ZFPM1: variants seen among roughly 807,000 people sequenced by gnomAD.
The protein encoded by ZFPM1 is zinc finger protein ZFPM1.
A neutral mutation model predicts 46.3 loss-of-function variants in ZFPM1; 28 were observed. The ratio of observed to expected loss-of-function variants is 0.60; its 90% confidence interval spans 0.45 to 0.83. The LOEUF is 0.83. ZFPM1 is among the 40% of genes least tolerant of loss of function. The pLI, the probability that ZFPM1 is intolerant of heterozygous loss-of-function variation, is 0.00. For missense variants in ZFPM1, 1,878 were observed against 1,432.4 expected (o/e 1.31, Z -5.02); for synonymous variants, 957 against 675.9 (o/e 1.42, Z -6.45).
intron 2 of ZFPM1, 138 bp from the exon 3 acceptor site, chr16:88,488,893 C>T (rs34251187): frequency 2.3e-6 from 3 of 1,332,100 alleles, no homozygotes; most frequent in Non-Finnish European, 2.0e-6. Flanking sequence ...AGTGAGAGCG[C>T]ACCAGGAGAT....
intron 3 of ZFPM1, among the ~76,000 whole-genome samples, chr16:88,509,585 G>T (rs1910842843): frequency 1.3e-5 from 2 of 152,258 alleles, no homozygotes; most frequent in South Asian, 4.1e-4. Flanking sequence ...GAGCCAGCCT[G>T]CCAGGGCCAG....
Position 88,512,241 on chromosome 16 carries a change from T to C in ZFPM1, c.269-2146T>C, listed in dbSNP as rs565235859. On this transcript the variant is annotated intron_variant, in intron 3 of 9. Transcript: ENST00000319555. ...CCAGTTCTGCCCTCCCACTTCCCCA[T>C]GAGGGCAGGGGACAAGTGAGAGCCC... 6.6e-5 allele frequency among the ~76,000 whole-genome samples: 10 copies of C among 152,238 alleles called. No homozygotes were observed. The South Asian group carries it at 2.1e-3, about 32-fold the overall frequency.
intron 3 of ZFPM1, 93 bp from the exon 4 acceptor site, chr16:88,514,294 A>G: frequency 9.9e-6 from 15 of 1,515,628 alleles, no homozygotes; most frequent in Non-Finnish European, 1.3e-5. Context: ...CAGGACTGCC[A>G]CCCTCCACTG....
At position 88,528,202 on chromosome 16, in the gene ZFPM1, G is replaced by A. The variant is rs758017266; in HGVS notation, c.676G>A (p.Gly226Arg). The A allele has an allele frequency of 5.0e-6, 8 of 1,610,122 alleles. No homozygotes were observed. In the South Asian group the frequency reaches 5.5e-5, roughly 11 times the overall value. ...CCTCCAGCTCCTGCCCCAGCAGGCC[G>A]GGATGGCCTCCATCCTTGCCACCGC... ...HDLQLLPQQA[G>R]MASILATAVI... The change falls in exon 6 of 10, where the codon GGG becomes AGG. Residue 226 changes from glycine to arginine, a missense_variant. Transcript: ENST00000319555.
rs1908243982 is a variant in ZFPM1, at chr16:88,468,211, C to CGAGCCCACCGCCCCTCAAGCACCCGT, written c.40+14558_40+14559insTGAGCCCACCGCCCCTCAAGCACCCG. 1.4e-5 allele frequency among the ~76,000 whole-genome samples: 2 copies of CGAGCCCACCGCCCCTCAAGCACCCGT among 141,664 alleles called. 1 individual carries two copies. 92.9% of individuals were successfully genotyped at this position (141,664 alleles called of 152,430 possible). A position where few individuals can be genotyped will look rare whatever the true frequency, so the allele number is the denominator to read the frequency against. Reference sequence around the variant, plus strand: ...GAGCCCACCGCCCCTCAAGCACCCGCGAGCCCACCGCCCCTCAAGCACCCG... The same window carrying CGAGCCCACCGCCCCTCAAGCACCCGT: ...GAGCCCACCGCCCCTCAAGCACCCGCGAGCCCACCGCCCCTCAAGCACCCGTGAGCCCACCGCCCCTCAAGCACCCG... On this transcript the variant is annotated intron_variant, in intron 1 of 9. Transcript: ENST00000319555.
chr16:88,502,384 A>G (rs1444813159), intron 3 of ZFPM1, among the ~76,000 whole-genome samples: 1 of 151,586 alleles, frequency 6.6e-6, no homozygotes, highest in African/African-American at 2.4e-5. Flanking sequence ...CCGGGCACTC[A>G]GGACCCACCT....
rs1909988460 is a variant in ZFPM1, at chr16:88,497,365, T to C, written c.268+8212T>C. Among the ~76,000 whole-genome samples, 2 of 150,630 alleles carry C rather than the reference T, an allele frequency of 1.3e-5. No individual in the cohort carries two copies. The highest frequency in any genetic ancestry group is 6.6e-5 in the Admixed American group (1 of 15,182). Reference sequence around the variant, plus strand: ...GGCTCAGGGCCTGAGTTTCAAGTGGTCAGTGGTGGCTGGAACATCAGGGCC... The same window carrying C: ...GGCTCAGGGCCTGAGTTTCAAGTGGCCAGTGGTGGCTGGAACATCAGGGCC... On this transcript the variant is annotated intron_variant, in intron 3 of 9. Transcript: ENST00000319555. This position sits in a 1 kb window ranked among gnomAD's most constrained non-coding sequence, Gnocchi z 5.4.
chr16:88,482,350 C>A (rs960716090), intron 1 of ZFPM1, among the ~76,000 whole-genome samples: 7 of 152,120 alleles, frequency 4.6e-5, no homozygotes, highest in Admixed American at 2.0e-4. Flanking sequence ...CGAGGCAGGC[C>A]CAGGGCAGCA....
chr16:88,529,919 A>C (rs1195016497), intron 6 of ZFPM1, among the ~76,000 whole-genome samples: 3 of 152,010 alleles, frequency 2.0e-5, no homozygotes, highest in Admixed American at 1.3e-4. Context: ...ACTGGAGAGA[A>C]CGGGCCGAGC....
chr16:88,499,066 G>A (rs1488238338), intron 3 of ZFPM1, among the ~76,000 whole-genome samples: 2 of 152,170 alleles, frequency 1.3e-5, no homozygotes, highest in Admixed American at 6.5e-5. Context: ...CCCCGAGGCC[G>A]GCTCCCCTTC....
At chr16:88,485,370 G>C (rs1597242073) in intron 1 of ZFPM1, among the ~76,000 whole-genome samples, 1 of 152,176 alleles carries the variant, frequency 6.6e-6, no homozygotes, top group Non-Finnish European at 1.5e-5. Flanking sequence ...GGCAGGTAAG[G>C]GTGGGCGGAG....
rs561465555 is a variant in ZFPM1 at position 88,533,346 on chromosome 16, A to G, written c.1388A>G (p.Lys463Arg). The change falls in exon 10 of 10, where the codon AAG becomes AGG. Residue 463 changes from lysine (K) to arginine (R), a missense_variant. Coordinates refer to ENST00000319555, the MANE Select transcript of ZFPM1 (RefSeq NM_153813.3). ...SEPPAAPRSI[K>R]VEAVEEPEAA... ...CCCCCGGCGGCCCCCAGGAGCATCA[A>G]GGTGGAGGCGGTGGAGGAGCCGGAG... 24 of 1,531,834 alleles carry G rather than the reference A, an allele frequency of 1.6e-5. No individual in the cohort carries two copies. The South Asian group carries it at 2.5e-4, about 16-fold the overall frequency. 94.9% of individuals were successfully genotyped at this position (1,531,834 alleles called of 1,614,324 possible).
At chr16:88,499,613 G>A (rs1032265096) in intron 3 of ZFPM1, among the ~76,000 whole-genome samples, 1 of 152,264 alleles carries the variant, frequency 6.6e-6, no homozygotes, top group Non-Finnish European at 1.5e-5. Context: ...CCACCTGGGT[G>A]GCCCCTGAAT....
At position 88,534,322 on chromosome 16, in the gene ZFPM1, C is replaced by A; in HGVS notation, c.2364C>A (p.Gly788=). Residue 788 remains glycine (G), a synonymous_variant, in exon 10 of 10, where the codon GGC becomes GGA. Transcript: ENST00000319555. ...GPGLAPARSP[G]PAADGPIDLS... is the part of the protein sequence containing the mutation. The stretch of plus-strand genomic sequence containing the variant: ...GCCTCGCCCCTGCGCGCTCGCCCGG[C>A]CCCGCGGCCGACGGCCCCATCGACC... 7.5e-7 allele frequency: 1 copy of A among 1,339,946 alleles called. No individual in the cohort carries two copies. The highest frequency in any genetic ancestry group is 9.6e-7 in the Non-Finnish European group (1 of 1,045,830). 83.0% of individuals were successfully genotyped at this position (1,339,946 alleles called of 1,614,324 possible).
At chr16:88,459,719 C>CCTTCCTCCTCCCCCTCTTCCT (rs1470131876) in intron 1 of ZFPM1, among the ~76,000 whole-genome samples, 1 of 84,340 alleles carries the variant, frequency 1.2e-5, no homozygotes, top group East Asian at 4.3e-4. Flanking sequence ...CCCCTCTTCC[C>CCTTCCTCCTCCCCCTCTTCCT]CTTCCTCCTC....
At chr16:88,461,150 C>CCAGG (rs750726391) in intron 1 of ZFPM1, among the ~76,000 whole-genome samples, 5 of 51,014 alleles carry the variant, frequency 9.8e-5, no homozygotes, top group East Asian at 7.3e-4. Context: ...TGGTGAGGAC[C>CCAGG]GAGGGGCGGG....
At chr16:88,475,521 G>GT (rs1354227747) in intron 1 of ZFPM1, among the ~76,000 whole-genome samples, 5 of 151,950 alleles carry the variant, frequency 3.3e-5, no homozygotes, top group African/African-American at 4.8e-5. Context: ...TCCGGGGGGG[G>GT]GAGCACAGCC....
At chr16:88,521,618 C>T (rs1911894283) in intron 4 of ZFPM1, among the ~76,000 whole-genome samples, 1 of 143,254 alleles carries the variant, frequency 7.0e-6, no homozygotes, top group African/African-American at 2.6e-5. Flanking sequence ...TGCTGTTCCC[C>T]CAACCCGTGC....
At position 88,528,172 on chromosome 16, in the gene ZFPM1, C is replaced by G; in HGVS notation, c.646C>G (p.His216Asp). The change falls in exon 6 of 10, where the codon CAC becomes GAC. Residue 216 changes from histidine to aspartate, a missense_variant. By Grantham distance (81) the His-to-Asp change is moderately conservative. Coordinates refer to ENST00000319555, the MANE Select transcript of ZFPM1 (RefSeq NM_153813.3). ...AGAGCCCACGTGCCCGGCCCCTGCA[C>G]ACGACCTCCAGCTCCTGCCCCAGCA... ...PAEPTCPAPA[H>D]DLQLLPQQAG... The G allele has an allele frequency of 6.2e-7, 1 of 1,610,108 alleles. No homozygotes were observed. Among genetic ancestry groups the G allele is most frequent in the Middle Eastern group, 1.9e-4 (1 of 5,290 alleles).
Sources: gnomAD v4.1 joint callset for allele counts (sites outside exome capture counted in the v4.1 genomes callset) on GRCh38, gnomAD v4.1.1 for gene constraint, Gnocchi (gnomAD v3.1) non-coding constraint, MANE v1.5 for transcripts, NCBI Gene and HGNC (gene_info 2026-07-23, HGNC 2026-07-21) for gene names.